SRCAP: variants seen among roughly 807,000 people sequenced by gnomAD.
The protein encoded by SRCAP is Snf2 related CREBBP activator protein.
A neutral mutation model predicts 263.1 loss-of-function variants in SRCAP; 46 were observed. That is an observed-to-expected ratio of 0.17 (90% CI 0.14 to 0.22). SRCAP has a LOEUF of 0.22. SRCAP is among the 10% of genes least tolerant of loss of function. SRCAP has a pLI of 1.00. For synonymous variants in SRCAP, 1,813 were observed against 1,662.1 expected (o/e 1.09, Z -2.21); for missense variants, 3,695 against 4,181.9 (o/e 0.88, Z 3.21).
chr16:30,714,952 T>C (rs973075867), intron 16 of SRCAP, among the ~76,000 whole-genome samples: 1 of 152,210 alleles, frequency 6.6e-6, no homozygotes, highest in Admixed American at 6.5e-5. Flanking sequence ...TGGCTCTTCC[T>C]TTTTCGCCCA....
rs567425236 is a variant in SRCAP, at chr16:30,738,967, C to A, written c.8927C>A (p.Thr2976Asn). The A allele has an allele frequency of 1.4e-5, 22 of 1,613,514 alleles. No homozygotes were observed. Among genetic ancestry groups the A allele is most frequent in the Non-Finnish European group, 1.7e-5 (20 of 1,179,768 alleles). Residue 2976 changes from threonine (T) to asparagine (N), a missense_variant, in exon 34 of 34, where the codon ACC (threonine) becomes AAC (asparagine). Transcript: ENST00000262518. ...TQPPPHPSPL[T>N]PLPPLLVCPT... ...CCACCCCCACACCCATCACCCCTAA[C>A]CCCACTCCCACCACTGCTAGTTTGT...
At chr16:30,703,983 A>G in intron 3 of SRCAP, 81 bp from the exon 4 acceptor site, 1 of 1,480,784 alleles carries the variant, frequency 6.8e-7, no homozygotes. Flanking sequence ...TTTTCTTGTG[A>G]AGATCGGATG....
In SRCAP at chr16:30,734,159, A is replaced by G. The variant is rs189355779; in HGVS notation, c.6609+151A>G. On this transcript the variant is annotated intron_variant, in intron 30 of 33. Transcript: ENST00000262518. ...GGAGTTGGAGACCAGGCTGGCCAAC[A>G]TGATGAAACCCTGTCTCTACTAAAA... 1.6e-4 allele frequency: 115 copies of G among 710,798 alleles called. No homozygotes were observed. The African/African-American group carries it at 1.8e-3, about 11-fold the overall frequency. 44.0% of individuals were successfully genotyped at this position (710,798 alleles called of 1,614,324 possible). A position where few individuals can be genotyped will look rare whatever the true frequency, so the allele number is the denominator to read the frequency against.
chr16:30,700,795 G>A lies in SRCAP; in HGVS notation c.-30G>A, dbSNP rs902091203. On this transcript the variant is annotated 5_prime_UTR_variant, in exon 3 of 34. Transcript: ENST00000262518. Reference sequence around the variant, plus strand: ...TGATAACAACCCAGTCATTCTTCAGGCATCCAAGGGGGAGCCTGGGAGTGG... The same window carrying A: ...TGATAACAACCCAGTCATTCTTCAGACATCCAAGGGGGAGCCTGGGAGTGG... The A allele has an allele frequency of 6.2e-7, 1 of 1,609,528 alleles. No homozygotes were observed. The highest frequency in any genetic ancestry group is 1.3e-5 in the African/African-American group (1 of 74,828).
intron 27 of SRCAP, among the ~76,000 whole-genome samples, chr16:30,730,856 G>A (rs1202085798): frequency 7.0e-6 from 1 of 143,540 alleles, no homozygotes. Context: ...TTTTAGTAGA[G>A]ACAGGGTTTC....
intron 18 of SRCAP, among the ~76,000 whole-genome samples, chr16:30,716,853 T>TTGA (rs2052955999): frequency 6.6e-6 from 1 of 152,250 alleles, no homozygotes; most frequent in Non-Finnish European, 1.5e-5. Context: ...TCACATTTTG[T>TTGA]TTATCCACTT....
At position 30,711,612 on chromosome 16, in the gene SRCAP, G is replaced by T; in HGVS notation, c.1360G>T (p.Ala454Ser). The change falls in exon 11 of 34, where the codon GCC becomes TCC. Residue 454 changes from alanine to serine, a missense_variant. Physicochemically the swap from Ala to Ser is moderately conservative, Grantham distance 99. Around this residue, in one of 12 missense-constraint regions of SRCAP, gnomAD observed 288 missense variants for 302.4 expected, o/e 0.95. Coordinates refer to ENST00000262518, the MANE Select transcript of SRCAP (RefSeq NM_006662.3). ...MEELLQQYAGAYAPGSGSSED... is the reference protein window; with the variant it reads ...MEELLQQYAGSYAPGSGSSED... The stretch of plus-strand genomic sequence containing the variant: ...GGAGCTATTGCAGCAGTATGCAGGA[G>T]CCTATGCCCCAGGCTCTGGGAGCAG... 1 of 1,612,404 alleles carries T rather than the reference G, an allele frequency of 6.2e-7. No individual in the cohort carries two copies. The highest frequency in any genetic ancestry group is 8.5e-7 in the Non-Finnish European group (1 of 1,179,452).
chr16:30,706,317 G>A (rs1420712026), intron 4 of SRCAP, among the ~76,000 whole-genome samples: 1 of 152,124 alleles, frequency 6.6e-6, no homozygotes, highest in Non-Finnish European at 1.5e-5. Context: ...AATTAGCTGG[G>A]CATGGTTGCA....
intron 30 of SRCAP, 85 bp from the exon 31 acceptor site, chr16:30,734,411 A>G: frequency 6.4e-7 from 1 of 1,565,132 alleles, no homozygotes; most frequent in Non-Finnish European, 8.7e-7. Flanking sequence ...TACCCCTGAC[A>G]GTTCCAAGAA....
intron 25 of SRCAP, among the ~76,000 whole-genome samples, chr16:30,728,565 T>G (rs2053084037): frequency 6.6e-6 from 1 of 152,194 alleles, no homozygotes; most frequent in Non-Finnish European, 1.5e-5. Context: ...TGTATCCTGG[T>G]CAGTGATTTG....
In SRCAP at chr16:30,723,884, C is replaced by T; in HGVS notation, c.4460C>T (p.Ala1487Val). The change falls in exon 25 of 34, where the codon GCT becomes GTT. Residue 1487 changes from alanine to valine, a missense_variant. Physicochemically the swap from Ala to Val is moderately conservative, Grantham distance 64. This residue lies in a region of SRCAP where 1,347 missense variants were observed against 1,304.4 expected (regional missense o/e 1.03). Transcript: ENST00000262518. ...TPPLAPVVPAAPGPPSLAPSG... is the reference protein window; with the variant it reads ...TPPLAPVVPAVPGPPSLAPSG... The stretch of plus-strand genomic sequence containing the variant: ...CCATTGGCACCTGTTGTCCCAGCGG[C>T]TCCTGGACCTCCCTCCTTGGCACCA... The T allele has an allele frequency of 3.7e-6, 6 of 1,614,150 alleles. No individual in the cohort carries two copies. The highest frequency in any genetic ancestry group is 5.1e-6 in the Non-Finnish European group (6 of 1,180,026).
intron 25 of SRCAP, 112 bp from the exon 26 acceptor site, chr16:30,728,851 GTGT>G: frequency 2.4e-6 from 3 of 1,248,162 alleles, no homozygotes; most frequent in South Asian, 1.7e-5. Context: ...AAAAAGCATA[GTGT>G]ATTTTTGGAT....
rs2053213572 is a variant in SRCAP at position 30,740,480 on chromosome 16, A to C, written c.*747A>C. On this transcript the variant is annotated 3_prime_UTR_variant, in exon 34 of 34. Transcript: ENST00000262518. The stretch of plus-strand genomic sequence containing the variant: ...ACTTTTTCCAGAGGGCAGGCGTCCT[A>C]GCTCCAGTTGCTCCATCCCTTGGGC... The C allele has an allele frequency of 6.6e-6, 1 of 152,278 alleles. No individual in the cohort carries two copies. Among genetic ancestry groups the C allele is most frequent in the South Asian group, 2.1e-4 (1 of 4,824 alleles). The allele number at this position is 152,278 out of a possible 1,614,324, so 9.4% of individuals were successfully genotyped here.
chr16:30,715,988 T>C, intron 16 of SRCAP, 78 bp from the exon 17 acceptor site: 1 of 1,585,796 alleles, frequency 6.3e-7, no homozygotes, highest in Non-Finnish European at 8.6e-7. Flanking sequence ...ATGACTCCAT[T>C]AGTGTTTGCT....
chr16:30,703,144 A>C (rs2052787063), intron 3 of SRCAP, among the ~76,000 whole-genome samples: 1 of 142,806 alleles, frequency 7.0e-6, no homozygotes, highest in Non-Finnish European at 1.5e-5. Context: ...ATTTGAAATC[A>C]TATGCTATAT....
At chr16:30,700,474 A>G (rs886750257) in intron 2 of SRCAP, 142 bp from the exon 3 acceptor site, 6 of 217,128 alleles carry the variant, frequency 2.8e-5, no homozygotes, top group Non-Finnish European at 2.8e-5. Context: ...AAAGTATCTT[A>G]TACATAGTAA....
In SRCAP at chr16:30,740,745, C is replaced by T. The variant is rs954324315; in HGVS notation, c.*1012C>T. ...TTCATTTTTACATTCTCTGTTCACT[C>T]CCTGGGCCCTCCTTGTGTCCTCCTG... On this transcript the variant is annotated 3_prime_UTR_variant, in exon 34 of 34. Transcript: ENST00000262518. 1 of 152,336 alleles carries T rather than the reference C, an allele frequency of 6.6e-6. No individual in the cohort carries two copies. The highest frequency in any genetic ancestry group is 1.5e-5 in the Non-Finnish European group (1 of 68,108). 9.4% of individuals were successfully genotyped at this position (152,336 alleles called of 1,614,324 possible).
chr16:30,725,203 A>G, intron 25 of SRCAP, 121 bp downstream of exon 25: 1 of 1,468,468 alleles, frequency 6.8e-7, no homozygotes. Flanking sequence ...GTTATGGACC[A>G]AGTACTTGAG....
chr16:30,704,807 A>G (rs2052808382), intron 4 of SRCAP, among the ~76,000 whole-genome samples: 1 of 152,152 alleles, frequency 6.6e-6, no homozygotes, highest in Non-Finnish European at 1.5e-5. Context: ...ATGCCACTGC[A>G]CTCCAGCCTG....
Sources: allele counts gnomAD v4.1 joint callset (sites outside exome capture counted in the v4.1 genomes callset), GRCh38; gene constraint gnomAD v4.1.1; regional missense constraint gnomAD v4.1.1; transcripts MANE v1.5; gene names NCBI Gene and HGNC (gene_info 2026-07-23, HGNC 2026-07-21).